Variants in RANBP2 observed in about 807,000 individuals in gnomAD.
RANBP2 encodes E3 SUMO-protein ligase RanBP2.
In RANBP2, 57 loss-of-function variants were observed where a neutral mutation model predicts 303.6. The observed-to-expected ratio is 0.19, with a 90% CI of 0.15 to 0.23. The LOEUF is 0.23. Ranked by LOEUF, RANBP2 falls within the 10% of genes least tolerant of loss-of-function variation. The pLI is 1.00. For missense variants in RANBP2, 3,138 were observed against 3,780.8 expected (o/e 0.83, Z 4.46); for synonymous variants, 1,167 against 1,301.5 (o/e 0.90, Z 2.23).
At chr2:109,207,609 A>G in the RANBP2 span, among the ~76,000 whole-genome samples, 1 of 152,206 alleles carries the variant, frequency 6.6e-6, no homozygotes, top group Non-Finnish European at 1.5e-5. Flanking sequence ...TAAAGATGCA[A>G]TGGAGCCCTA....
chr2:109,146,127 T>C, the RANBP2 span, among the ~76,000 whole-genome samples: 1 of 152,214 alleles, frequency 6.6e-6, no homozygotes, highest in African/African-American at 2.4e-5. Flanking sequence ...GTGTCACCAC[T>C]GTTACTGTTC....
At chr2:109,240,855 C>G in the RANBP2 span, among the ~76,000 whole-genome samples, 1 of 150,954 alleles carries the variant, frequency 6.6e-6, no homozygotes, top group Non-Finnish European at 1.5e-5. Context: ...CACCCCCACC[C>G]CTGCCCTTGG....
At chr2:109,495,593 A>G in the RANBP2 span, among the ~76,000 whole-genome samples, 1 of 141,070 alleles carries the variant, frequency 7.1e-6, no homozygotes, top group Non-Finnish European at 1.5e-5. Flanking sequence ...GATTTAAGCA[A>G]TTCTTGTGCC....
chr2:109,128,367 G>C, the RANBP2 span: 3 of 152,174 alleles, frequency 2.0e-5, no homozygotes, highest in Admixed American at 6.5e-5. Context: ...GCGGGCGCTA[G>C]AGCCCCTCGC....
At chr2:109,599,993 T>A in the RANBP2 span, among the ~76,000 whole-genome samples, 1 of 152,284 alleles carries the variant, frequency 6.6e-6, no homozygotes, top group Non-Finnish European at 1.5e-5. Context: ...AAGCAATACC[T>A]AGTCCTGTGG....
chr2:108,862,352 A>C, the RANBP2 span, among the ~76,000 whole-genome samples: 1 of 152,156 alleles, frequency 6.6e-6, no homozygotes, highest in African/African-American at 2.4e-5. Flanking sequence ...TAGGGAATGC[A>C]GAGCTTCCTC....
chr2:109,441,117 A>G, the RANBP2 span, among the ~76,000 whole-genome samples: 1 of 132,438 alleles, frequency 7.6e-6, no homozygotes, highest in East Asian at 2.1e-4. Flanking sequence ...AAGCTTAAGA[A>G]TATTTATAGG....
the RANBP2 span, chr2:109,667,146 C>A: frequency 7.7e-7 from 1 of 1,293,690 alleles, no homozygotes; most frequent in African/African-American, 1.5e-5. Flanking sequence ...AATCCTGAGG[C>A]ATAAGAAACA....
At chr2:109,064,119 T>C in the RANBP2 span, among the ~76,000 whole-genome samples, 1 of 152,150 alleles carries the variant, frequency 6.6e-6, no homozygotes, top group African/African-American at 2.4e-5. Context: ...GATAACTCTG[T>C]AAGGTATGTA....
At chr2:108,861,681 A>G in the RANBP2 span, among the ~76,000 whole-genome samples, 1 of 152,034 alleles carries the variant, frequency 6.6e-6, no homozygotes, top group Non-Finnish European at 1.5e-5. Context: ...GGGTTTCACC[A>G]TATTGGCCAG....
At chr2:109,734,894 C>T in the RANBP2 span, among the ~76,000 whole-genome samples, 1 of 151,970 alleles carries the variant, frequency 6.6e-6, no homozygotes, top group African/African-American at 2.4e-5. Context: ...ATAATGATTG[C>T]ACATGTTTAT....
At chr2:109,173,322 C>T in the RANBP2 span, among the ~76,000 whole-genome samples, 1 of 152,116 alleles carries the variant, frequency 6.6e-6, no homozygotes, top group Non-Finnish European at 1.5e-5. Context: ...CTCAGACTCT[C>T]CTTCCTGTGC....
At chr2:108,756,046 C>G (rs889432008) in intron 17 of RANBP2, among the ~76,000 whole-genome samples, 2 of 151,958 alleles carry the variant, frequency 1.3e-5, no homozygotes, top group African/African-American at 4.8e-5. Context: ...TTTGAAAGTA[C>G]TTTATGTGTC....
the RANBP2 span, among the ~76,000 whole-genome samples, chr2:109,220,765 A>G: frequency 6.6e-6 from 1 of 152,220 alleles, no homozygotes; most frequent in Non-Finnish European, 1.5e-5. Flanking sequence ...AGTAGAAGAT[A>G]ATAAGGGTTA....
chr2:109,411,123 G>A, the RANBP2 span, among the ~76,000 whole-genome samples: 1 of 152,234 alleles, frequency 6.6e-6, no homozygotes, highest in Admixed American at 6.5e-5. Context: ...TGGAGCTGGA[G>A]GCAAGGAGCC....
intron 20 of RANBP2, among the ~76,000 whole-genome samples, chr2:108,770,920 A>G (rs538937595): frequency 1.3e-5 from 2 of 152,288 alleles, no homozygotes; most frequent in East Asian, 1.9e-4. Flanking sequence ...ATTGGACACC[A>G]TAGCTCTCAG....
rs770055012 is a variant in RANBP2, at chr2:108,735,740, C to G, written c.614C>G (p.Ser205Trp). The change falls in exon 5 of 29, where the codon TCG becomes TGG. Residue 205 changes from serine to tryptophan, a missense_variant. Around this residue, in one of 20 missense-constraint regions of RANBP2, gnomAD observed 306 missense variants for 381.9 expected, o/e 0.80. Coordinates refer to ENST00000283195, the MANE Select transcript of RANBP2 (RefSeq NM_006267.5). ...TTGCGTTCAAGTTTAGAATGGAATT[C>G]GTGTGTTGTACAGACCCTTAAGGTA... Reference protein sequence around the residue: ...IALRSSLEWNSCVVQTLKEYL... With the variant: ...IALRSSLEWNWCVVQTLKEYL... The G allele has an allele frequency of 1.9e-6, 3 of 1,597,386 alleles. No individual in the cohort carries two copies. In the African/African-American group the frequency reaches 4.0e-5, roughly 21 times the overall value.
the RANBP2 span, among the ~76,000 whole-genome samples, chr2:109,327,938 G>T: frequency 4.6e-5 from 7 of 152,222 alleles, no homozygotes; most frequent in East Asian, 1.4e-3. Flanking sequence ...AATCATGGAG[G>T]GTCTAGGACA....
At chr2:109,588,822 G>T in the RANBP2 span, among the ~76,000 whole-genome samples, 1 of 143,546 alleles carries the variant, frequency 7.0e-6, no homozygotes, top group African/African-American at 2.6e-5. Context: ...GTTGGGTGTG[G>T]TAAGTTAAAG....
Sources: gnomAD v4.1 joint callset for allele counts (sites outside exome capture counted in the v4.1 genomes callset) on GRCh38, gnomAD v4.1.1 for gene constraint, gnomAD v4.1.1 regional missense constraint, MANE v1.5 for transcripts, NCBI Gene and HGNC (gene_info 2026-07-23, HGNC 2026-07-21) for gene names.